RNF39: variants seen among roughly 807,000 people sequenced by gnomAD.
RNF39 encodes LTP (long-term potentiation) induced RING finger protein.
RNF39 carries 25 observed loss-of-function variants against 29.2 expected under a neutral mutation model. That is an observed-to-expected ratio of 0.86 (90% CI 0.62 to 1.20). RNF39 has a LOEUF of 1.20. RNF39 is among the 50% of genes most tolerant of loss of function. The pLI is 0.00. For synonymous variants in RNF39, 219 were observed against 229.0 expected (o/e 0.96, Z 0.40); for missense variants, 519 against 515.0 (o/e 1.01, Z -0.08).
Position 30,074,060 on chromosome 6 carries a change from C to CAGGG in RNF39, c.364-586_364-583dup, listed in dbSNP as rs1012244836. Among the ~76,000 whole-genome samples, 1 of 152,144 alleles carries CAGGG rather than the reference C, an allele frequency of 6.6e-6. No homozygotes were observed. The highest frequency in any genetic ancestry group is 2.4e-5 in the African/African-American group (1 of 41,424). Reference sequence around the variant, plus strand: ...TTGCTTTGTGTCTCTGGACCCTGGCCAGGGAGGCAGCTAGACTTGAATGTG... The same window carrying CAGGG: ...TTGCTTTGTGTCTCTGGACCCTGGCCAGGGAGGGAGGCAGCTAGACTTGAATGTG... On this transcript the variant is annotated intron_variant, in intron 1 of 3. Transcript: ENST00000244360. The surrounding 1 kb of genome is among the most constrained non-coding windows in gnomAD (Gnocchi z 4.1).
rs931303451 is a variant in RNF39, at chr6:30,075,559, C to G, written c.27G>C (p.Gly9=). The change falls in exon 1 of 4, where the codon GGG becomes GGC. Residue 9 remains glycine (G), a synonymous_variant. Coordinates refer to ENST00000244360, the MANE Select transcript of RNF39 (RefSeq NM_025236.4). ...CCAGCTGCTCCAGACGCTCCACCAG[C>G]CCCGGGCCCAGCTCGGGCGCATCCA... MDAPELGP[G]LVERLEQLAT... 2 of 1,603,654 alleles carry G rather than the reference C, an allele frequency of 1.2e-6. No individual in the cohort carries two copies. Among genetic ancestry groups the G allele is most frequent in the East Asian group, 2.2e-5 (1 of 44,538 alleles).
rs1285720529 is a variant in RNF39, at chr6:30,071,619, A to G, written c.551T>C (p.Leu184Pro). The G allele has an allele frequency of 1.4e-6, 2 of 1,451,922 alleles. No individual in the cohort carries two copies. Among genetic ancestry groups the G allele is most frequent in the African/African-American group, 1.5e-5 (1 of 67,964 alleles). The allele number at this position is 1,451,922 out of a possible 1,614,324, so 89.9% of individuals were successfully genotyped here. A position where few individuals can be genotyped will look rare whatever the true frequency, so the allele number is the denominator to read the frequency against. The part of the protein sequence containing the change: ...LISADRRSVQ[L>P]APPGTPAPPD... ...GGGCGCGGGCGTCCCTGGTGGGGCC[A>G]GTTGTACGCTGCGGCGGTCGGCGGA... The change falls in exon 4 of 4, where the codon CTG becomes CCG. Residue 184 changes from leucine (L) to proline (P), a missense_variant. Coordinates refer to ENST00000244360, the MANE Select transcript of RNF39 (RefSeq NM_025236.4). This position sits in a 1 kb window ranked among gnomAD's most constrained non-coding sequence, Gnocchi z 5.0.
intron 2 of RNF39, 96 bp from the exon 3 acceptor site, chr6:30,073,344 A>C: frequency 6.6e-7 from 1 of 1,525,196 alleles, no homozygotes; most frequent in Non-Finnish European, 9.1e-7. Context: ...AAGGGATGAG[A>C]CTATACCCCA....
rs746551834 is a variant in RNF39 at position 30,070,809 on chromosome 6, G to A, written c.*302C>T. 3.1e-6 allele frequency: 2 copies of A among 640,446 alleles called. No individual in the cohort carries two copies. Among genetic ancestry groups the A allele is most frequent in the South Asian group, 3.0e-5 (2 of 66,220 alleles). 39.7% of individuals were successfully genotyped at this position (640,446 alleles called of 1,614,324 possible). On this transcript the variant is annotated 3_prime_UTR_variant, in exon 4 of 4. Transcript: ENST00000244360. ...TCACTTTACCAATACTGATGGGGAG[G>A]GCCTGTTCCCCATTGCAGGCCTAGA... is the stretch of plus-strand genomic sequence containing the variant.
Position 30,075,648 on chromosome 6 carries a change from A to G in RNF39, c.-63T>C. The G allele has an allele frequency of 1.2e-6, 2 of 1,613,064 alleles. No homozygotes were observed. The highest frequency in any genetic ancestry group is 8.5e-7 in the Non-Finnish European group (1 of 1,179,948). ...ACCGTGACCGCCTTCGAGCGCGCAG[A>G]TGGCGGGCCGCCCCTGCTGCTTGCT... On this transcript the variant is annotated 5_prime_UTR_variant, in exon 1 of 4. Coordinates refer to ENST00000244360, the MANE Select transcript of RNF39 (RefSeq NM_025236.4).
rs1196820057 is a variant in RNF39 at position 30,070,426 on chromosome 6, G to A, written c.*685C>T. 6.4e-5 allele frequency: 13 copies of A among 203,092 alleles called. No homozygotes were observed. The East Asian group carries it at 1.4e-3, about 23-fold the overall frequency. 12.6% of individuals were successfully genotyped at this position (203,092 alleles called of 1,614,324 possible). ...GAGATGTCTGAAGTATTCCCAGGTTGAGGAGGAGAGAGGGGAAATAGCACC... is the reference window on the plus strand; with the variant it reads ...GAGATGTCTGAAGTATTCCCAGGTTAAGGAGGAGAGAGGGGAAATAGCACC... On this transcript the variant is annotated 3_prime_UTR_variant, in exon 4 of 4. Transcript: ENST00000244360.
chr6:30,071,213 A>C lies in RNF39; in HGVS notation c.957T>G (p.Leu319=). 1 of 1,515,986 alleles carries C rather than the reference A, an allele frequency of 6.6e-7. No individual in the cohort carries two copies. Among genetic ancestry groups the C allele is most frequent in the Non-Finnish European group, 8.8e-7 (1 of 1,135,662 alleles). 93.9% of individuals were successfully genotyped at this position (1,515,986 alleles called of 1,614,324 possible). A position where few individuals can be genotyped will look rare whatever the true frequency, so the allele number is the denominator to read the frequency against. ...AFYDGRSLDL[L]YAFQAPGPLG... is the part of the protein sequence containing the mutation. The stretch of plus-strand genomic sequence containing the variant: ...GGGGGCCAGGCGCCTGGAAGGCGTA[A>C]AGCAGGTCGAGTGAGCGGCCGTCGT... The change falls in exon 4 of 4, where the codon CTT becomes CTG. Residue 319 remains leucine (L), a synonymous_variant. Coordinates refer to ENST00000244360, the MANE Select transcript of RNF39 (RefSeq NM_025236.4). This position sits in a 1 kb window ranked among gnomAD's most constrained non-coding sequence, Gnocchi z 5.0.
In RNF39 at chr6:30,071,007, C is replaced by T; in HGVS notation, c.*104G>A. ...ATGTGGGTTGCTATTAATACTCCTG[C>T]AATGGGCGTGTGAATGTGTTCCCAG... On this transcript the variant is annotated 3_prime_UTR_variant, in exon 4 of 4. Coordinates refer to ENST00000244360, the MANE Select transcript of RNF39 (RefSeq NM_025236.4). This position sits in a 1 kb window ranked among gnomAD's most constrained non-coding sequence, Gnocchi z 5.0. 1.1e-6 allele frequency: 1 copy of T among 946,074 alleles called. No individual in the cohort carries two copies. Among genetic ancestry groups the T allele is most frequent in the Non-Finnish European group, 1.7e-6 (1 of 595,052 alleles). 58.6% of individuals were successfully genotyped at this position (946,074 alleles called of 1,614,324 possible).
rs372233460 is a variant in RNF39 at position 30,071,665 on chromosome 6, C to T, written c.505G>A (p.Ala169Thr). The change falls in exon 4 of 4, where the codon GCA (alanine) becomes ACA (threonine). Residue 169 changes from alanine (A) to threonine (T), a missense_variant. Transcript: ENST00000244360. This position sits in a 1 kb window ranked among gnomAD's most constrained non-coding sequence, Gnocchi z 5.0. ...GCGGAGATGAGCAGGCGGCGGTGTG[C>T]GGTCCCAGGGTCCAGGGTCAGGTCG... ...TADLTLDPGT[A>T]HRRLLISADR... The T allele has an allele frequency of 1.4e-6, 2 of 1,430,180 alleles. No individual in the cohort carries two copies. The highest frequency in any genetic ancestry group is 2.8e-5 in the East Asian group (1 of 35,818). 88.6% of individuals were successfully genotyped at this position (1,430,180 alleles called of 1,614,324 possible). A position where few individuals can be genotyped will look rare whatever the true frequency, so the allele number is the denominator to read the frequency against.
At chr6:30,073,983 T>A (rs1766205126) in intron 1 of RNF39, among the ~76,000 whole-genome samples, 1 of 152,160 alleles carries the variant, frequency 6.6e-6, no homozygotes, top group African/African-American at 2.4e-5. Flanking sequence ...AGCCTTACAA[T>A]AAAGCTGCTT....
rs1010227717 is a variant in RNF39, at chr6:30,071,502, G to T, written c.668C>A (p.Ala223Glu). The T allele has an allele frequency of 6.5e-7, 1 of 1,549,288 alleles. No homozygotes were observed. The highest frequency in any genetic ancestry group is 1.4e-5 in the African/African-American group (1 of 72,756). Residue 223 changes from alanine (A) to glutamate (E), a missense_variant, in exon 4 of 4, where the codon GCG (alanine) becomes GAG (glutamate). Physicochemically the swap from Ala to Glu is moderately radical, Grantham distance 107 (BLOSUM62 -1). Coordinates refer to ENST00000244360, the MANE Select transcript of RNF39 (RefSeq NM_025236.4). The surrounding 1 kb of genome is among the most constrained non-coding windows in gnomAD (Gnocchi z 5.0). ...AGAGTCTCTGCAGGAGGCGGCGTCC[G>T]CAGTCTCCACCTCCCAGCAGTGGCG... ...AGRHCWEVET[A>E]DAASCRDSSG...
At position 30,071,023 on chromosome 6, in the gene RNF39, G is replaced by T; in HGVS notation, c.*88C>A. 9.2e-7 allele frequency: 1 copy of T among 1,083,874 alleles called. No homozygotes were observed. The highest frequency in any genetic ancestry group is 1.4e-6 in the Non-Finnish European group (1 of 720,752). 67.1% of individuals were successfully genotyped at this position (1,083,874 alleles called of 1,614,324 possible). Reference sequence around the variant, plus strand: ...ATACTCCTGCAATGGGCGTGTGAATGTGTTCCCAGAAATGAGTGGGGAATT... The same window carrying T: ...ATACTCCTGCAATGGGCGTGTGAATTTGTTCCCAGAAATGAGTGGGGAATT... On this transcript the variant is annotated 3_prime_UTR_variant, in exon 4 of 4. Coordinates refer to ENST00000244360, the MANE Select transcript of RNF39 (RefSeq NM_025236.4). The surrounding 1 kb of genome is among the most constrained non-coding windows in gnomAD (Gnocchi z 5.0).
intron 2 of RNF39, 78 bp downstream of exon 2, chr6:30,073,378 C>T (rs1384369499): frequency 6.3e-7 from 1 of 1,596,776 alleles, no homozygotes; most frequent in African/African-American, 1.3e-5. Context: ...TTAATGGGAA[C>T]AAAGGTGTGG....
rs141667762 is a variant in RNF39 at position 30,075,582 on chromosome 6, C to T, written c.4G>A (p.Asp2Asn). Residue 2 changes from aspartate to asparagine, a missense_variant, in exon 1 of 4, where the codon GAT (aspartate) becomes AAT (asparagine). By Grantham distance (23) the Asp-to-Asn change is conservative. Transcript: ENST00000244360. The part of the protein sequence containing the change: M[D>N]APELGPGLVE... ...AGCCCCGGGCCCAGCTCGGGCGCAT[C>T]CATGGAAAGCCAGGATCTGGACGCC... is the stretch of plus-strand genomic sequence containing the variant. 7.5e-6 allele frequency: 12 copies of T among 1,608,262 alleles called. No individual in the cohort carries two copies. In the South Asian group the frequency reaches 1.2e-4, roughly 16 times the overall value.
Position 30,071,408 on chromosome 6 carries a change from G to T in RNF39, c.762C>A (p.Arg254=). The stretch of plus-strand genomic sequence containing the variant: ...CAGGGCACAGCCTTACGCAGCCCTT[G>T]CGTTGCACTGATTCCCCGGCCGCGC... ...AVGAAGESVQ[R]KGCVRLCPAG... The change falls in exon 4 of 4, where the codon CGC becomes CGA. Residue 254 remains arginine (R), a synonymous_variant. Coordinates refer to ENST00000244360, the MANE Select transcript of RNF39 (RefSeq NM_025236.4). This position sits in a 1 kb window ranked among gnomAD's most constrained non-coding sequence, Gnocchi z 5.0. 6.7e-7 allele frequency: 1 copy of T among 1,495,404 alleles called. No homozygotes were observed. The highest frequency in any genetic ancestry group is 8.8e-7 in the Non-Finnish European group (1 of 1,130,942). The allele number at this position is 1,495,404 out of a possible 1,614,324, so 92.6% of individuals were successfully genotyped here.
In RNF39 at chr6:30,072,521, T is replaced by C. The variant is rs1464715714; in HGVS notation, c.478+636A>G. 6.6e-6 allele frequency among the ~76,000 whole-genome samples: 1 copy of C among 151,060 alleles called. No individual in the cohort carries two copies. Among genetic ancestry groups the C allele is most frequent in the Non-Finnish European group, 1.5e-5 (1 of 67,744 alleles). ...CCTTCCAGGGAGGAGTGACGAGAGG[T>C]GGTGGAAGCAGAGATTTTTGAGAGG... On this transcript the variant is annotated intron_variant, in intron 3 of 3. Transcript: ENST00000244360. This position sits in a 1 kb window ranked among gnomAD's most constrained non-coding sequence, Gnocchi z 4.5.
At chr6:30,073,117 C>CT in intron 3 of RNF39, 40 bp downstream of exon 3, 1 of 1,355,980 alleles carries the variant, frequency 7.4e-7, no homozygotes, top group African/African-American at 1.4e-5. Context: ...CTAACACAGA[C>CT]TTTCATTCAA....
chr6:30,072,918 G>C lies in RNF39; in HGVS notation c.478+239C>G, dbSNP rs1020577780. ...AGGAGACAGGCATGGAACAGATTCT[G>C]TCTCATGGCCGTCAGAAGGAACCAA... is the stretch of plus-strand genomic sequence containing the variant. On this transcript the variant is annotated intron_variant, in intron 3 of 3. Coordinates refer to ENST00000244360, the MANE Select transcript of RNF39 (RefSeq NM_025236.4). The surrounding 1 kb of genome is among the most constrained non-coding windows in gnomAD (Gnocchi z 4.5). Among the ~76,000 whole-genome samples, 2 of 152,212 alleles carry C rather than the reference G, an allele frequency of 1.3e-5. No individual in the cohort carries two copies. The highest frequency in any genetic ancestry group is 4.8e-5 in the African/African-American group (2 of 41,460).
chr6:30,075,080 C>T (rs1766296738), intron 1 of RNF39, 143 bp downstream of exon 1: 2 of 856,980 alleles, frequency 2.3e-6, no homozygotes, highest in South Asian at 1.8e-5. Context: ...AGGGTCCTCG[C>T]CCCCTCATCC....
Sources: gnomAD v4.1 joint callset for allele counts (sites outside exome capture counted in the v4.1 genomes callset) on GRCh38, gnomAD v4.1.1 for gene constraint, Gnocchi (gnomAD v3.1) non-coding constraint, MANE v1.5 for transcripts, NCBI Gene and HGNC (gene_info 2026-07-23, HGNC 2026-07-21) for gene names.